KCNH7: variants seen among roughly 807,000 people sequenced by gnomAD.
KCNH7 encodes voltage-gated inwardly rectifying potassium channel KCNH7.
Under a neutral mutation model 120.8 loss-of-function variants are expected in KCNH7, and 49 were observed. That is an observed-to-expected ratio of 0.41 (90% confidence interval 0.32 to 0.51). KCNH7 has a LOEUF of 0.51. KCNH7 is among the 20% of genes least tolerant of loss of function. The pLI is 0.38. For missense variants in KCNH7, 1,097 were observed against 1,446.6 expected, an observed-to-expected ratio of 0.76 and a Z score of 3.92; for synonymous variants, 547 against 516.1, an observed-to-expected ratio of 1.06 and a Z score of -0.81.
At chr2:162,533,430 A>T (rs1692000088) in intron 3 of KCNH7, among the ~76,000 whole-genome samples, 2 of 151,930 alleles carry the variant, frequency 1.3e-5, no homozygotes, top group South Asian at 4.1e-4. Flanking sequence ...AGCACACTGT[A>T]TAAAAAAGAC....
chr2:162,395,159 G>A (rs1192964578), intron 11 of KCNH7, among the ~76,000 whole-genome samples: 1 of 151,652 alleles, frequency 6.6e-6, no homozygotes, highest in Non-Finnish European at 1.5e-5. Flanking sequence ...TAAATAGTAG[G>A]CTATCAGTAA....
At chr2:162,376,584 G>A (rs770181650) in intron 14 of KCNH7, among the ~76,000 whole-genome samples, 3 of 151,936 alleles carry the variant, frequency 2.0e-5, no homozygotes, top group Non-Finnish European at 4.4e-5. Flanking sequence ...GGCTGGTCTC[G>A]AACTCCTGAC....
intron 6 of KCNH7, among the ~76,000 whole-genome samples, chr2:162,475,412 G>A (rs1689702577): frequency 6.6e-6 from 1 of 152,202 alleles, no homozygotes; most frequent in South Asian, 2.1e-4. Flanking sequence ...CGTGGCATGA[G>A]GCCAGAGAAC....
At chr2:162,730,966 T>G (rs759187165) in intron 2 of KCNH7, among the ~76,000 whole-genome samples, 1 of 151,992 alleles carries the variant, frequency 6.6e-6, no homozygotes, top group Non-Finnish European at 1.5e-5. Flanking sequence ...AGTGAATTAT[T>G]GACCTAATAT....
intron 3 of KCNH7, among the ~76,000 whole-genome samples, chr2:162,519,234 T>C (rs1451180261): frequency 1.3e-5 from 2 of 151,844 alleles, no homozygotes; most frequent in Non-Finnish European, 2.9e-5. Context: ...TATGGGATAT[T>C]GCAAAGGCAT....
intron 2 of KCNH7, chr2:162,795,823 G>A (rs927493081): frequency 6.6e-6 from 1 of 152,048 alleles, no homozygotes; most frequent in African/African-American, 2.4e-5. Context: ...AGAGAGGAAA[G>A]CATCCTGTAT....
At chr2:162,821,132 A>G (rs1024602799) in intron 2 of KCNH7, among the ~76,000 whole-genome samples, 1 of 152,244 alleles carries the variant, frequency 6.6e-6, no homozygotes, top group East Asian at 1.9e-4. Flanking sequence ...ATGGTTCTAC[A>G]CATACCCTAT....
At chr2:162,394,571 A>G in intron 11 of KCNH7, 86 bp from the exon 12 acceptor site, 1 of 792,664 alleles carries the variant, frequency 1.3e-6, no homozygotes. Context: ...ACTATTTCAT[A>G]TTGTTTCAAC....
chr2:162,680,053 A>G (rs1685661491), intron 2 of KCNH7, among the ~76,000 whole-genome samples: 1 of 151,792 alleles, frequency 6.6e-6, no homozygotes, highest in African/African-American at 2.4e-5. Flanking sequence ...TATGTTCTGC[A>G]ATTTTAAGGG....
chr2:162,587,786 C>A (rs1694065731), intron 2 of KCNH7, among the ~76,000 whole-genome samples: 1 of 151,998 alleles, frequency 6.6e-6, no homozygotes, highest in African/African-American at 2.4e-5. Flanking sequence ...TACTTCTTAC[C>A]ACAATGTGTG....
At chr2:162,735,911 A>G (rs1022729921) in intron 2 of KCNH7, among the ~76,000 whole-genome samples, 8 of 152,186 alleles carry the variant, frequency 5.3e-5, no homozygotes, top group Non-Finnish European at 1.2e-4. Flanking sequence ...AGAAGGGCTT[A>G]GAGTTAGCTG....
At chr2:162,704,139 GA>G (rs1686611896) in intron 2 of KCNH7, among the ~76,000 whole-genome samples, 1 of 152,014 alleles carries the variant, frequency 6.6e-6, no homozygotes, top group African/African-American at 2.4e-5. Context: ...TCCCAGAGTA[GA>G]AATATGTTTT....
At chr2:162,525,706 A>G (rs1691679501) in intron 3 of KCNH7, among the ~76,000 whole-genome samples, 1 of 151,994 alleles carries the variant, frequency 6.6e-6, no homozygotes. Context: ...AAAATTGAGC[A>G]TGGATGATCA....
At chr2:162,771,913 C>T (rs1424395502) in intron 2 of KCNH7, 1 of 152,224 alleles carries the variant, frequency 6.6e-6, no homozygotes, top group Middle Eastern at 3.4e-3. Flanking sequence ...AGAACACAAT[C>T]CCTTTCTCTT....
chr2:162,782,804 A>G (rs535364597), intron 2 of KCNH7, among the ~76,000 whole-genome samples: 1 of 152,332 alleles, frequency 6.6e-6, no homozygotes, highest in South Asian at 2.1e-4. Context: ...ACAGGCATCA[A>G]TAGCCTGTAG....
intron 8 of KCNH7, among the ~76,000 whole-genome samples, chr2:162,429,381 G>GTTTTTTTTTTTTTTTTTTTTT (rs1158431426): frequency 2.8e-4 from 12 of 43,404 alleles, no homozygotes; most frequent in African/African-American, 8.7e-4. Context: ...TGAGGAAAAA[G>GTTTTTTTTTTTTTTTTTTTTT]TCTTTTTTTT....
At chr2:162,421,896 T>C (rs1410180036) in intron 9 of KCNH7, among the ~76,000 whole-genome samples, 1 of 152,142 alleles carries the variant, frequency 6.6e-6, no homozygotes, top group Non-Finnish European at 1.5e-5. Flanking sequence ...ATGAGTGACA[T>C]GTTTTGATTA....
chr2:162,625,509 AGCTGCTT>A (rs1243788508), intron 2 of KCNH7, among the ~76,000 whole-genome samples: 1 of 152,186 alleles, frequency 6.6e-6, no homozygotes, highest in East Asian at 1.9e-4. Context: ...TTAGGGGTAC[AGCTGCTT>A]TAGGCAGCAT....
intron 2 of KCNH7, among the ~76,000 whole-genome samples, chr2:162,734,363 C>A (rs890258246): frequency 3.3e-5 from 5 of 151,784 alleles, no homozygotes; most frequent in African/African-American, 9.7e-5. Flanking sequence ...TAGATTATGA[C>A]CTTTTTATGT....
Sources: allele counts gnomAD v4.1 joint callset (sites outside exome capture counted in the v4.1 genomes callset), GRCh38; gene constraint gnomAD v4.1.1; transcripts MANE v1.5; gene names NCBI Gene and HGNC (gene_info 2026-07-23, HGNC 2026-07-21).